Variants in GABRG2 observed in about 807,000 individuals in gnomAD.
The protein encoded by GABRG2 is gamma-aminobutyric acid receptor subunit gamma-2.
GABRG2 carries 16 observed loss-of-function variants against 56.4 expected under a neutral mutation model. The ratio of observed to expected loss-of-function variants is 0.28; its 90% CI spans 0.19 to 0.43. The LOEUF is 0.43. Ranked by LOEUF, GABRG2 falls within the 20% of genes least tolerant of loss-of-function variation. The probability of loss-of-function intolerance (pLI) is 1.00; values close to 1 mark genes in which losing one functional copy is unlikely to be tolerated. For synonymous variants in GABRG2, 208 were observed against 205.5 expected (o/e 1.01, Z -0.10); for missense variants, 327 against 582.7 (o/e 0.56, Z 4.52).
intron 8 of GABRG2, chr5:162,150,277 A>G (rs1765275242): frequency 6.6e-6 from 1 of 152,270 alleles, no homozygotes; most frequent in African/African-American, 2.4e-5. Context: ...AATATTACAT[A>G]GTACTCTACA....
chr5:162,143,660 T>C (rs1241936460), intron 7 of GABRG2, among the ~76,000 whole-genome samples: 4 of 152,148 alleles, frequency 2.6e-5, no homozygotes, highest in Non-Finnish European at 5.9e-5. Context: ...CCCACAAATA[T>C]GGGTTTGACA....
intron 7 of GABRG2, among the ~76,000 whole-genome samples, chr5:162,148,232 C>A (rs1302474824): frequency 6.6e-6 from 1 of 152,178 alleles, no homozygotes; most frequent in Non-Finnish European, 1.5e-5. Context: ...TCAATTCTGT[C>A]TGCTACTTAC....
intron 6 of GABRG2, among the ~76,000 whole-genome samples, chr5:162,112,191 T>A (rs1180545887): frequency 6.6e-6 from 1 of 152,166 alleles, no homozygotes; most frequent in African/African-American, 2.4e-5. Context: ...TTTGCATGAC[T>A]ACTATTTACG....
At chr5:162,071,451 T>C (rs994953632) in intron 1 of GABRG2, among the ~76,000 whole-genome samples, 4 of 151,862 alleles carry the variant, frequency 2.6e-5, no homozygotes, top group Non-Finnish European at 5.9e-5. Flanking sequence ...GACTGAATTT[T>C]TGATGATCTG....
intron 7 of GABRG2, chr5:162,142,614 C>A: frequency 2.8e-6 from 1 of 355,144 alleles, no homozygotes; most frequent in Admixed American, 3.8e-5. Flanking sequence ...ATGGATGAAG[C>A]TGGAAACCAT....
At chr5:162,139,070 C>A (rs1221403032) in intron 6 of GABRG2, among the ~76,000 whole-genome samples, 1 of 151,814 alleles carries the variant, frequency 6.6e-6, no homozygotes, top group African/African-American at 2.4e-5. Flanking sequence ...GAATCTCACA[C>A]ACAAAAAAGA....
rs1216763579 is a variant in GABRG2, at chr5:162,102,607, T to C, written c.632-1282T>C. 3 of 453,434 alleles carry C rather than the reference T, an allele frequency of 6.6e-6. No individual in the cohort carries two copies. In the Admixed American group the frequency reaches 7.1e-5, roughly 11 times the overall value. The allele number at this position is 453,434 out of a possible 1,614,324, so 28.1% of individuals were successfully genotyped here. A position where few individuals can be genotyped will look rare whatever the true frequency, so the allele number is the denominator to read the frequency against. On this transcript the variant is annotated intron_variant, in intron 5 of 9. Coordinates refer to ENST00000639213, the MANE Select transcript of GABRG2 (RefSeq NM_198904.4). ...GTGCAGTGGTGTGATCTCGGCTCAC[T>C]ACAGCCTTCGCTTCTGGGGCTCAAC...
At chr5:162,127,958 G>A (rs900906611) in intron 6 of GABRG2, among the ~76,000 whole-genome samples, 2 of 152,022 alleles carry the variant, frequency 1.3e-5, no homozygotes, top group Non-Finnish European at 2.9e-5. Flanking sequence ...GGTCTGTCAG[G>A]TGCCCTGTGT....
At chr5:162,096,345 T>G (rs1408996117) in intron 3 of GABRG2, among the ~76,000 whole-genome samples, 1 of 151,928 alleles carries the variant, frequency 6.6e-6, no homozygotes, top group Non-Finnish European at 1.5e-5. Flanking sequence ...AGAGGCTATA[T>G]AGATAGTTTA....
At chr5:162,073,781 C>T (rs182326085) in intron 1 of GABRG2, among the ~76,000 whole-genome samples, 1 of 151,762 alleles carries the variant, frequency 6.6e-6, no homozygotes, top group African/African-American at 2.4e-5. Context: ...TTTACAGAAA[C>T]GTTTGCATTC....
intron 7 of GABRG2, chr5:162,142,630 T>C (rs1238824505): frequency 5.7e-6 from 2 of 351,144 alleles, no homozygotes; most frequent in Non-Finnish European, 1.1e-5. Flanking sequence ...ACCATCATTC[T>C]CAGCAAACTA....
chr5:162,085,648 G>A (rs560152223), intron 1 of GABRG2, among the ~76,000 whole-genome samples: 1 of 150,614 alleles, frequency 6.6e-6, no homozygotes, highest in African/African-American at 2.4e-5. Context: ...TGTTATGGGG[G>A]TTTGTTGTAC....
At chr5:162,126,201 A>G (rs572492403) in intron 6 of GABRG2, among the ~76,000 whole-genome samples, 1 of 152,098 alleles carries the variant, frequency 6.6e-6, no homozygotes, top group Non-Finnish European at 1.5e-5. Context: ...TATTAAGATT[A>G]GACATGGTAG....
chr5:162,140,153 A>T (rs1031467342), intron 6 of GABRG2, among the ~76,000 whole-genome samples: 1 of 152,226 alleles, frequency 6.6e-6, no homozygotes, highest in East Asian at 1.9e-4. Flanking sequence ...TTGATAAAAA[A>T]TTTCTATCTT....
intron 5 of GABRG2, chr5:162,103,622 A>G (rs1761596299): frequency 2.1e-6 from 1 of 469,348 alleles, no homozygotes. Flanking sequence ...TATGGCATAT[A>G]TAAAATCACA....
chr5:162,095,222 T>C (rs1760909481), intron 2 of GABRG2, among the ~76,000 whole-genome samples: 1 of 152,156 alleles, frequency 6.6e-6, no homozygotes, highest in Admixed American at 6.6e-5. Context: ...AAGAGCAGCA[T>C]TTTCTAATTT....
At chr5:162,149,381 C>T in intron 8 of GABRG2, 68 bp downstream of exon 8, 4 of 1,459,784 alleles carry the variant, frequency 2.7e-6, no homozygotes, top group Non-Finnish European at 3.8e-6. Flanking sequence ...TTTCATTAGC[C>T]TATCTGCAGG....
intron 1 of GABRG2, among the ~76,000 whole-genome samples, chr5:162,074,960 C>T (rs1758975470): frequency 6.6e-6 from 1 of 152,042 alleles, no homozygotes; most frequent in Non-Finnish European, 1.5e-5. Context: ...TTTCCGTAGG[C>T]AGAAGTGGAG....
intron 6 of GABRG2, among the ~76,000 whole-genome samples, chr5:162,108,113 G>A (rs187791919): frequency 2.0e-5 from 3 of 152,266 alleles, no homozygotes; most frequent in East Asian, 1.9e-4. Context: ...CACTGCAGAT[G>A]AGAAAATTGA....
Sources: gnomAD v4.1 joint callset for allele counts (sites outside exome capture counted in the v4.1 genomes callset) on GRCh38, gnomAD v4.1.1 for gene constraint, MANE v1.5 for transcripts, NCBI Gene and HGNC (gene_info 2026-07-23, HGNC 2026-07-21) for gene names.